RNF150: variants seen among roughly 807,000 people sequenced by gnomAD.
RNF150 encodes the protein ring finger protein 150.
A neutral mutation model predicts 39.3 loss-of-function variants in RNF150; 24 were observed. That is an observed-to-expected ratio of 0.61 (90% CI 0.44 to 0.86). RNF150 has a LOEUF of 0.86. Ranked by LOEUF, RNF150 falls within the 40% of genes least tolerant of loss-of-function variation. RNF150 has a pLI of 0.00. For synonymous variants in RNF150, 255 were observed against 227.3 expected, an observed-to-expected ratio of 1.12 and a Z score of -1.10; for missense variants, 502 against 587.8, an observed-to-expected ratio of 0.85 and a Z score of 1.51.
At chr4:141,193,745 T>C (rs1177660792) in intron 1 of RNF150, among the ~76,000 whole-genome samples, 1 of 152,176 alleles carries the variant, frequency 6.6e-6, no homozygotes, top group Non-Finnish European at 1.5e-5. Flanking sequence ...GCCTGTCTGA[T>C]ACAAATCTTC....
intron 1 of RNF150, among the ~76,000 whole-genome samples, chr4:141,074,759 G>T (rs901034414): frequency 6.6e-6 from 1 of 152,152 alleles, no homozygotes; most frequent in African/African-American, 2.4e-5. Flanking sequence ...TGGCAAGAGG[G>T]ACTGTAATGC....
chr4:141,103,948 A>G (rs1739106933), intron 1 of RNF150, among the ~76,000 whole-genome samples: 1 of 152,230 alleles, frequency 6.6e-6, no homozygotes, highest in African/African-American at 2.4e-5. Flanking sequence ...AGACAGTAAT[A>G]TTGCAGGAGA....
chr4:140,982,601 C>T (rs1458410115), intron 1 of RNF150, among the ~76,000 whole-genome samples: 3 of 150,342 alleles, frequency 2.0e-5, no homozygotes, highest in Non-Finnish European at 2.9e-5. Context: ...TGCAGGTCCT[C>T]ATCCTGTCCA....
At chr4:140,939,587 G>T (rs1224852220) in intron 4 of RNF150, among the ~76,000 whole-genome samples, 3 of 150,276 alleles carry the variant, frequency 2.0e-5, no homozygotes, top group African/African-American at 7.4e-5. Flanking sequence ...ATAAGCCAAG[G>T]CTGATCCTCA....
intron 1 of RNF150, among the ~76,000 whole-genome samples, chr4:141,005,324 A>G (rs757160030): frequency 1.3e-5 from 2 of 152,202 alleles, no homozygotes; most frequent in Non-Finnish European, 2.9e-5. Flanking sequence ...CACTTGATGC[A>G]TGGATGTGGA....
At chr4:140,977,900 C>T (rs764879064) in intron 1 of RNF150, among the ~76,000 whole-genome samples, 41 of 152,052 alleles carry the variant, frequency 2.7e-4, no homozygotes, top group Non-Finnish European at 4.4e-4. Context: ...GTGTTCTATC[C>T]GCTTTTCTAC....
At chr4:140,930,132 G>A (rs758235652) in intron 4 of RNF150, among the ~76,000 whole-genome samples, 29 of 152,096 alleles carry the variant, frequency 1.9e-4, no homozygotes, top group Non-Finnish European at 1.5e-5. Context: ...CTGCACTCCT[G>A]CCTGGGTGAC....
intron 1 of RNF150, among the ~76,000 whole-genome samples, chr4:140,979,393 G>C (rs1042155571): frequency 1.3e-5 from 2 of 151,938 alleles, no homozygotes; most frequent in African/African-American, 4.8e-5. Context: ...GGTGACTTTG[G>C]AAGACTTATT....
chr4:140,883,272 C>G (rs1729442882), intron 6 of RNF150, among the ~76,000 whole-genome samples: 1 of 152,024 alleles, frequency 6.6e-6, no homozygotes, highest in African/African-American at 2.4e-5. Flanking sequence ...AAATTCTATA[C>G]CAGAATTAAA....
chr4:141,096,190 C>CTTTTTTTTTTTTTTTT lies in RNF150; in HGVS notation c.484+36119_484+36134dup, dbSNP rs780868429. On this transcript the variant is annotated intron_variant, in intron 1 of 6. Transcript: ENST00000515673. ...AATACCAAGGAGAGTTTTTAGCTTT[C>CTTTTTTTTTTTTTTTT]TTTTTTTTTTTTTTTTTTTTTTTTT... is the stretch of plus-strand genomic sequence containing the variant. 3.2e-4 allele frequency among the ~76,000 whole-genome samples: 22 copies of CTTTTTTTTTTTTTTTT among 67,982 alleles called. 3 individuals are homozygous for CTTTTTTTTTTTTTTTT. The highest frequency in any genetic ancestry group is 1.5e-3 in the African/African-American group (22 of 14,240). The allele number at this position is 67,982 out of a possible 152,430, so 44.6% of individuals were successfully genotyped here.
At chr4:140,962,276 TTTAAG>T (rs1177244266) in intron 2 of RNF150, among the ~76,000 whole-genome samples, 2 of 151,874 alleles carry the variant, frequency 1.3e-5, no homozygotes, top group African/African-American at 2.4e-5. Context: ...ACTATTTAAA[TTTAAG>T]TTAATTTTAA....
intron 1 of RNF150, among the ~76,000 whole-genome samples, chr4:141,056,948 T>C (rs1420312466): frequency 6.6e-6 from 1 of 152,138 alleles, no homozygotes; most frequent in African/African-American, 2.4e-5. Flanking sequence ...ATATGATTGA[T>C]AATAGTGTAG....
At chr4:141,175,666 G>A (rs927228438) in intron 1 of RNF150, among the ~76,000 whole-genome samples, 1 of 152,124 alleles carries the variant, frequency 6.6e-6, no homozygotes, top group African/African-American at 2.4e-5. Context: ...TCAGAACATC[G>A]GATCTATTAC....
intron 1 of RNF150, among the ~76,000 whole-genome samples, chr4:141,082,865 A>G (rs1371251196): frequency 6.6e-6 from 1 of 152,212 alleles, no homozygotes; most frequent in Non-Finnish European, 1.5e-5. Context: ...ATTATTTTTT[A>G]CATAGTATGT....
chr4:141,207,193 T>G (rs1428518283), intron 1 of RNF150, among the ~76,000 whole-genome samples: 1 of 152,184 alleles, frequency 6.6e-6, no homozygotes, highest in Non-Finnish European at 1.5e-5. Flanking sequence ...TATCTAGGCA[T>G]CCTTCAATCC....
At chr4:141,182,337 A>G (rs1727921592) in intron 1 of RNF150, among the ~76,000 whole-genome samples, 1 of 59,006 alleles carries the variant, frequency 1.7e-5, no homozygotes, top group Admixed American at 2.2e-4. Flanking sequence ...CAGGGCAATC[A>G]GGCAGGAGAA....
chr4:141,030,437 T>C (rs1259800860), intron 1 of RNF150, among the ~76,000 whole-genome samples: 2 of 152,272 alleles, frequency 1.3e-5, no homozygotes, highest in East Asian at 1.9e-4. Flanking sequence ...AGGAATCATA[T>C]GATATGATTC....
chr4:140,875,718 T>A (rs1340134776), intron 6 of RNF150, among the ~76,000 whole-genome samples: 1 of 151,662 alleles, frequency 6.6e-6, no homozygotes, highest in African/African-American at 2.4e-5. Flanking sequence ...TGGTTTTGTT[T>A]GTGTTTTTTT....
chr4:140,945,465 C>G (rs953154570), intron 4 of RNF150, among the ~76,000 whole-genome samples: 1 of 151,054 alleles, frequency 6.6e-6, no homozygotes, highest in East Asian at 1.9e-4. Flanking sequence ...ACATCTATGA[C>G]TTGGATATTA....
Sources: gnomAD v4.1 joint callset for allele counts (sites outside exome capture counted in the v4.1 genomes callset) on GRCh38, gnomAD v4.1.1 for gene constraint, MANE v1.5 for transcripts, NCBI Gene and HGNC (gene_info 2026-07-23, HGNC 2026-07-21) for gene names.